EEF1G: variants seen among roughly 807,000 people sequenced by gnomAD.
The protein encoded by EEF1G is eukaryotic translation elongation factor 1 gamma.
In EEF1G, 14 loss-of-function variants were observed where a neutral mutation model predicts 58.3. That is an observed-to-expected ratio of 0.24 (90% CI 0.16 to 0.38). The LOEUF is 0.38. Among genes scored for constraint, EEF1G ranks in the 10% least tolerant of loss-of-function variants. The pLI, the probability that EEF1G is intolerant of heterozygous loss-of-function variation, is 1.00. For missense variants in EEF1G, 322 were observed against 550.1 expected (o/e 0.59, Z 4.15); for synonymous variants, 180 against 206.8 (o/e 0.87, Z 1.11).
At chr11:62,563,186 G>A (rs1412475595) in intron 7 of EEF1G, among the ~76,000 whole-genome samples, 1 of 151,878 alleles carries the variant, frequency 6.6e-6, no homozygotes, top group Admixed American at 6.5e-5. Flanking sequence ...CAGTGCAGTG[G>A]TGCAATCTCG....
Position 62,559,828 on chromosome 11 carries a change from C to G in EEF1G, c.1165G>C (p.Asp389His), listed in dbSNP as rs778716142. Reference protein sequence around the residue: ...GQELAFPLSPDWQVDYESYTW... With the variant: ...GQELAFPLSPHWQVDYESYTW... ...TATGACTCGTAGTCCACCTGCCAATCTGGACTCAGCTGGGGATAAAAAGCC... is the reference window on the plus strand; with the variant it reads ...TATGACTCGTAGTCCACCTGCCAATGTGGACTCAGCTGGGGATAAAAAGCC... Residue 389 changes from aspartate (D) to histidine (H), a missense_variant, in exon 10 of 10, where the codon GAT becomes CAT. Asp to His is a moderately conservative substitution (Grantham distance 81). Coordinates refer to ENST00000329251, the MANE Select transcript of EEF1G (RefSeq NM_001404.5). The G allele has an allele frequency of 1.9e-6, 3 of 1,614,026 alleles. No individual in the cohort carries two copies. Among genetic ancestry groups the G allele is most frequent in the Non-Finnish European group, 2.5e-6 (3 of 1,179,902 alleles).
At chr11:62,560,640 G>GC (rs1287835655) in intron 7 of EEF1G, among the ~76,000 whole-genome samples, 186 bp from the exon 8 acceptor site, 1 of 152,200 alleles carries the variant, frequency 6.6e-6, no homozygotes, top group Admixed American at 6.5e-5. Context: ...ACACTCCTCT[G>GC]CATAAGTATG....
intron 7 of EEF1G, among the ~76,000 whole-genome samples, chr11:62,563,092 G>A (rs1941517203): frequency 6.6e-6 from 1 of 151,648 alleles, no homozygotes. Context: ...CCTGGGAGAA[G>A]AGCAAGACCC....
At chr11:62,569,074 T>C (rs1941592941) in intron 5 of EEF1G, among the ~76,000 whole-genome samples, 1 of 145,240 alleles carries the variant, frequency 6.9e-6, no homozygotes, top group South Asian at 2.2e-4. Flanking sequence ...TTGGCCATAC[T>C]ATACACACAC....
chr11:62,562,576 G>A (rs538695995), intron 7 of EEF1G, among the ~76,000 whole-genome samples: 4 of 152,122 alleles, frequency 2.6e-5, no homozygotes, highest in Middle Eastern at 3.4e-3. Context: ...CTACCTACCG[G>A]GTTCAAGCGA....
At chr11:62,569,614 G>A (rs1386377279) in intron 5 of EEF1G, among the ~76,000 whole-genome samples, 1 of 152,192 alleles carries the variant, frequency 6.6e-6, no homozygotes, top group Non-Finnish European at 1.5e-5. Context: ...AAAGCTTCAG[G>A]TAGAACTGTT....
intron 7 of EEF1G, among the ~76,000 whole-genome samples, chr11:62,561,854 C>G (rs1422676031): frequency 6.6e-6 from 1 of 152,086 alleles, no homozygotes; most frequent in African/African-American, 2.4e-5. Context: ...CTGGGAAAGC[C>G]GGACAAACTC....
chr11:62,564,467 A>T (rs1294490940), intron 7 of EEF1G, among the ~76,000 whole-genome samples: 1 of 147,360 alleles, frequency 6.8e-6, no homozygotes, highest in African/African-American at 2.5e-5. Context: ...CTGTCTCACA[A>T]AAAAAAAAAA....
Position 62,566,825 on chromosome 11 carries a change from A to G in EEF1G, c.838T>C (p.Phe280Leu). ...LAAEPKAKDPFAHLPKSTFVL... is the reference protein window; with the variant it reads ...LAAEPKAKDPLAHLPKSTFVL... Reference sequence around the variant, plus strand: ...CCTTACCTCTTGGGCAGGTGAGCGAAGGGGTCCTTGGCCTTGGGCTCAGCA... The same window carrying G: ...CCTTACCTCTTGGGCAGGTGAGCGAGGGGGTCCTTGGCCTTGGGCTCAGCA... The change falls in exon 7 of 10, where the codon TTC becomes CTC. Residue 280 changes from phenylalanine to leucine, a missense_variant. Phe to Leu is a conservative substitution (Grantham distance 22, BLOSUM62 0). Around this residue, in one of 3 missense-constraint regions of EEF1G, gnomAD observed 208 missense variants for 323.7 expected, o/e 0.64. Transcript: ENST00000329251. 6.2e-7 allele frequency: 1 copy of G among 1,613,456 alleles called. No individual in the cohort carries two copies. Among genetic ancestry groups the G allele is most frequent in the South Asian group, 1.1e-5 (1 of 91,058 alleles).
At chr11:62,567,184 A>G (rs1163336326) in intron 6 of EEF1G, 174 bp from the exon 7 acceptor site, 26 of 916,884 alleles carry the variant, frequency 2.8e-5, no homozygotes, top group Non-Finnish European at 1.6e-6. Context: ...CAACACACTC[A>G]GCAACAAATA....
At chr11:62,565,907 C>T (rs954193972) in intron 7 of EEF1G, among the ~76,000 whole-genome samples, 4 of 152,044 alleles carry the variant, frequency 2.6e-5, no homozygotes, top group East Asian at 1.9e-4. Flanking sequence ...CTGGTTCACC[C>T]GGTATCCAAG....
Position 62,567,333 on chromosome 11 carries a change from G to C in EEF1G, c.652+66C>G. 3.9e-6 allele frequency: 6 copies of C among 1,522,482 alleles called. No individual in the cohort carries two copies. The South Asian group carries it at 8.0e-5, about 20-fold the overall frequency. 94.3% of individuals were successfully genotyped at this position (1,522,482 alleles called of 1,614,324 possible). ...ACCCAAAAGCAAGACAGGAAATCAA[G>C]GGGTTGATGCAGAGCAAACCAGACC... On this transcript the variant is annotated intron_variant, in intron 6 of 9. Transcript: ENST00000329251.
intron 1 of EEF1G, 200 bp downstream of exon 1, chr11:62,573,631 C>T: frequency 1.4e-6 from 1 of 732,864 alleles, no homozygotes; most frequent in Non-Finnish European, 2.3e-6. Context: ...TCCCCAGACC[C>T]TTCCACCTCT....
intron 7 of EEF1G, among the ~76,000 whole-genome samples, chr11:62,562,942 A>C (rs1941515192): frequency 6.6e-6 from 1 of 151,924 alleles, no homozygotes; most frequent in African/African-American, 2.4e-5. Context: ...TCTCTACAAA[A>C]AAATTTAAAA....
chr11:62,572,773 GAGT>G (rs747995989), intron 1 of EEF1G, 31 bp from the exon 2 acceptor site: 1 of 1,590,086 alleles, frequency 6.3e-7, no homozygotes, highest in African/African-American at 1.3e-5. Context: ...CAAAATTAAT[GAGT>G]AGAAGGGTCC....
Position 62,560,274 on chromosome 11 carries a change from T to A in EEF1G, c.1030+8A>T. On this transcript the variant is annotated splice_region_variant and intron_variant, in intron 8 of 9. Transcript: ENST00000329251. ...TGTTCTCCTTCCTTCTCAGACCCACTCTCTTACCAGTGATGAGATTGCAGC... is the reference window on the plus strand; with the variant it reads ...TGTTCTCCTTCCTTCTCAGACCCACACTCTTACCAGTGATGAGATTGCAGC... The A allele has an allele frequency of 6.2e-7, 1 of 1,613,702 alleles. No individual in the cohort carries two copies. Among genetic ancestry groups the A allele is most frequent in the Non-Finnish European group, 8.5e-7 (1 of 1,179,814 alleles).
rs1353604939 is a variant in EEF1G, at chr11:62,571,067, C to T, written c.420G>A (p.Gly140=). 6.2e-7 allele frequency: 1 copy of T among 1,613,968 alleles called. No individual in the cohort carries two copies. Residue 140 remains glycine, a synonymous_variant, in exon 5 of 10, where the codon GGG becomes GGA. Coordinates refer to ENST00000329251, the MANE Select transcript of EEF1G (RefSeq NM_001404.5). ...TCGTCTTCAAGTAAGCATCCAGCAG[C>T]CCCAGAATTCGCCTCACTTCCTCCT... The part of the protein sequence containing the change: ...NAKEEVRRIL[G]LLDAYLKTRT...
intron 7 of EEF1G, among the ~76,000 whole-genome samples, chr11:62,562,032 TAAC>T (rs1363723534): frequency 6.6e-6 from 1 of 152,262 alleles, no homozygotes. Context: ...CTCAAAGTGA[TAAC>T]AACATAAAGC....
chr11:62,565,713 G>C (rs749825441), intron 7 of EEF1G, among the ~76,000 whole-genome samples: 11 of 152,138 alleles, frequency 7.2e-5, no homozygotes, highest in Non-Finnish European at 1.6e-4. Context: ...CAAATCACTA[G>C]TTCAAAAAAT....
Sources: allele counts gnomAD v4.1 joint callset (sites outside exome capture counted in the v4.1 genomes callset), GRCh38; gene constraint gnomAD v4.1.1; regional missense constraint gnomAD v4.1.1; transcripts MANE v1.5; gene names NCBI Gene and HGNC (gene_info 2026-07-23, HGNC 2026-07-21).